The following ARHGAP6 variants were observed in gnomAD, a reference collection of about 807,000 sequenced individuals.
ARHGAP6 encodes rho GTPase-activating protein 6.
A neutral mutation model predicts 55.7 loss-of-function variants in ARHGAP6; 16 were observed. The ratio of observed to expected loss-of-function variants is 0.29; its 90% CI spans 0.19 to 0.44. The LOEUF (loss-of-function observed/expected upper bound fraction) is 0.44. Among genes scored for constraint, ARHGAP6 ranks in the 20% least tolerant of loss-of-function variants. ARHGAP6 has a pLI of 1.00. For synonymous variants in ARHGAP6, 382 were observed against 360.9 expected, an observed-to-expected ratio of 1.06 and a Z score of -0.66; for missense variants, 698 against 808.9, an observed-to-expected ratio of 0.86 and a Z score of 1.66.
chrX:11,164,300 C>A (rs745613125), intron 9 of ARHGAP6, among the ~76,000 whole-genome samples: 4 of 112,305 alleles, frequency 3.6e-5, no homozygotes, highest in South Asian at 7.4e-4. Flanking sequence ...TTGGCTTACT[C>A]CTCATGAAAT....
intron 2 of ARHGAP6, among the ~76,000 whole-genome samples, chrX:11,234,844 A>G (rs775442528): frequency 8.8e-6 from 1 of 113,005 alleles, no homozygotes; most frequent in Non-Finnish European, 1.9e-5. Context: ...GTACATTCAT[A>G]CAATGGAATA....
intron 1 of ARHGAP6, among the ~76,000 whole-genome samples, chrX:11,405,732 G>A (rs777554227): frequency 2.7e-5 from 3 of 111,415 alleles, no homozygotes; most frequent in Non-Finnish European, 3.8e-5. Flanking sequence ...ATTTCTCCTC[G>A]GGAAGATGTA....
intron 1 of ARHGAP6, among the ~76,000 whole-genome samples, chrX:11,308,459 G>C (rs1192933726): frequency 8.9e-6 from 1 of 111,782 alleles, no homozygotes; most frequent in African/African-American, 3.3e-5. Flanking sequence ...TTTGCTGCAT[G>C]GAGTGGCCAC....
In ARHGAP6 at chrX:11,590,862, A is replaced by AAAAG. The variant is rs1569410930; in HGVS notation, c.588+73375_588+73378dup. Among the ~76,000 whole-genome samples the AAAAG allele has an allele frequency of 2.5e-3, 50 of 20,218 alleles. 8 individuals are homozygous for AAAAG. The highest frequency in any genetic ancestry group is 0.017 in the African/African-American group (48 of 2,746). The allele number at this position is 20,218 out of a possible 115,157, so 17.6% of individuals were successfully genotyped here. A position where few individuals can be genotyped will look rare whatever the true frequency, so the allele number is the denominator to read the frequency against. Reference sequence around the variant, plus strand: ...AAAAGAAAAGAAAAGAAAAGAAAAGAAAAGAAGGAAAGAAAGAAAGAAAGA... The same window carrying AAAAG: ...AAAAGAAAAGAAAAGAAAAGAAAAGAAAAGAAAGAAGGAAAGAAAGAAAGAAAGA... On this transcript the variant is annotated intron_variant, in intron 1 of 12. Coordinates refer to ENST00000337414, the MANE Select transcript of ARHGAP6 (RefSeq NM_013427.3).
At chrX:11,226,767 G>A (rs1383651706) in intron 2 of ARHGAP6, among the ~76,000 whole-genome samples, 2 of 111,903 alleles carry the variant, frequency 1.8e-5, no homozygotes, top group African/African-American at 6.5e-5. Context: ...GTTGACTACT[G>A]AGTATCTCTT....
intron 5 of ARHGAP6, among the ~76,000 whole-genome samples, chrX:11,183,177 A>C (rs1290358672): frequency 9.0e-6 from 1 of 111,320 alleles, no homozygotes; most frequent in East Asian, 2.8e-4. Flanking sequence ...CCACCACTAA[A>C]GAACTTACTC....
At chrX:11,515,599 T>G (rs191799672) in intron 1 of ARHGAP6, among the ~76,000 whole-genome samples, 1 of 112,280 alleles carries the variant, frequency 8.9e-6, no homozygotes, top group East Asian at 2.8e-4. Flanking sequence ...TAAAATATGT[T>G]TTTGGACATC....
intron 1 of ARHGAP6, among the ~76,000 whole-genome samples, chrX:11,619,115 C>G (rs2052200275): frequency 8.9e-6 from 1 of 112,119 alleles, no homozygotes; most frequent in Non-Finnish European, 1.9e-5. Context: ...GAACTATAAA[C>G]TTTCATCTAT....
chrX:11,506,902 A>G (rs776767869), intron 1 of ARHGAP6, among the ~76,000 whole-genome samples: 4 of 111,064 alleles, frequency 3.6e-5, no homozygotes, highest in Non-Finnish European at 7.6e-5. Flanking sequence ...CCAGCATGTT[A>G]TTTCCTGACT....
chrX:11,336,891 T>G, intron 1 of ARHGAP6, among the ~76,000 whole-genome samples: 1 of 111,642 alleles, frequency 9.0e-6, no homozygotes, highest in Middle Eastern at 4.6e-3. Flanking sequence ...TTCAGGAACA[T>G]TTCCTATATA....
intron 9 of ARHGAP6, among the ~76,000 whole-genome samples, chrX:11,164,753 T>G (rs2045995473): frequency 8.9e-6 from 1 of 112,230 alleles, no homozygotes; most frequent in Non-Finnish European, 1.9e-5. Flanking sequence ...TTCTCTTTCT[T>G]GCCCCTCTCC....
intron 1 of ARHGAP6, among the ~76,000 whole-genome samples, chrX:11,517,723 A>G (rs1026318758): frequency 9.0e-6 from 1 of 111,540 alleles, no homozygotes; most frequent in Non-Finnish European, 1.9e-5. Flanking sequence ...ACAGCAACAG[A>G]AAACCAAACA....
chrX:11,315,529 G>A (rs759239226), intron 1 of ARHGAP6, among the ~76,000 whole-genome samples: 5 of 111,878 alleles, frequency 4.5e-5, no homozygotes, highest in African/African-American at 1.3e-4. Context: ...ATGATAAGTG[G>A]ATGTTAAGAA....
chrX:11,450,482 T>G (rs939118189), intron 1 of ARHGAP6, among the ~76,000 whole-genome samples: 3 of 112,077 alleles, frequency 2.7e-5, no homozygotes, highest in African/African-American at 9.7e-5. Context: ...GCTGGGCTTC[T>G]GAGTCATGCT....
At chrX:11,156,736 C>T (rs759486213) in intron 9 of ARHGAP6, 110 bp from the exon 10 acceptor site, 1 of 572,177 alleles carries the variant, frequency 1.7e-6, no homozygotes, top group Non-Finnish European at 2.8e-6. Flanking sequence ...AGCTGCAAGA[C>T]AGCAGAATGA....
chrX:11,408,206 C>A (rs1406902228), intron 1 of ARHGAP6, among the ~76,000 whole-genome samples: 1 of 111,013 alleles, frequency 9.0e-6, no homozygotes, highest in African/African-American at 3.3e-5. Flanking sequence ...GTCTGTCAAG[C>A]AGAGTTCACT....
intron 1 of ARHGAP6, among the ~76,000 whole-genome samples, chrX:11,362,590 G>A (rs886592945): frequency 1.1e-4 from 12 of 109,390 alleles, no homozygotes; most frequent in African/African-American, 4.0e-4. Context: ...CACCAGCATG[G>A]CACATGTATA....
intron 1 of ARHGAP6, among the ~76,000 whole-genome samples, chrX:11,421,735 C>A (rs1003077921): frequency 9.0e-6 from 1 of 111,342 alleles, no homozygotes; most frequent in Non-Finnish European, 1.9e-5. Context: ...AGTGGTTCAC[C>A]GTGTAAATTA....
At chrX:11,640,457 T>C (rs183669258) in intron 1 of ARHGAP6, among the ~76,000 whole-genome samples, 110 of 112,352 alleles carry the variant, frequency 9.8e-4, no homozygotes, top group Admixed American at 2.0e-3. Context: ...AATACATAAA[T>C]GCAAGTCTGA....
Sources: gnomAD v4.1 joint callset for allele counts (sites outside exome capture counted in the v4.1 genomes callset) on GRCh38, gnomAD v4.1.1 for gene constraint, MANE v1.5 for transcripts, NCBI Gene and HGNC (gene_info 2026-07-23, HGNC 2026-07-21) for gene names.